Variants in CLSTN2 observed in about 807,000 individuals in gnomAD.
The protein encoded by CLSTN2 is calsyntenin-2.
Under a neutral mutation model 101.2 loss-of-function variants are expected in CLSTN2, and 48 were observed. The ratio of observed to expected loss-of-function variants is 0.47; its 90% CI spans 0.38 to 0.60. CLSTN2 has a LOEUF of 0.60. Ranked by LOEUF, CLSTN2 falls within the 20% of genes least tolerant of loss-of-function variation. CLSTN2 has a pLI of 0.00. For synonymous variants in CLSTN2, 481 were observed against 463.6 expected, an observed-to-expected ratio of 1.04 and a Z score of -0.48; for missense variants, 1,160 against 1,238.2, an observed-to-expected ratio of 0.94 and a Z score of 0.95.
intron 2 of CLSTN2, among the ~76,000 whole-genome samples, chr3:140,267,402 A>G (rs918534379): frequency 6.6e-6 from 1 of 152,192 alleles, no homozygotes; most frequent in African/African-American, 2.4e-5. Flanking sequence ...CTCAGTCCAC[A>G]AACTCCAATT....
At chr3:140,041,094 A>C (rs1263576316) in intron 1 of CLSTN2, among the ~76,000 whole-genome samples, 1 of 152,176 alleles carries the variant, frequency 6.6e-6, no homozygotes, top group Non-Finnish European at 1.5e-5. Context: ...GCAGTATATT[A>C]CCTCTTCCAT....
chr3:140,407,035 TGA>T (rs1017064672), intron 4 of CLSTN2, among the ~76,000 whole-genome samples: 10 of 152,164 alleles, frequency 6.6e-5, no homozygotes, highest in Non-Finnish European at 1.3e-4. Flanking sequence ...CAACCTAAGA[TGA>T]AGAGGAGAAT....
chr3:140,522,321 T>C (rs1183540227), intron 8 of CLSTN2, among the ~76,000 whole-genome samples: 1 of 151,894 alleles, frequency 6.6e-6, no homozygotes, highest in African/African-American at 2.4e-5. Context: ...CTGCTTTTAA[T>C]TGGCCATGTT....
rs781427250 is a variant in CLSTN2 at position 140,404,418 on chromosome 3, A to G, written c.429-140A>G. On this transcript the variant is annotated intron_variant, in intron 3 of 16. Transcript: ENST00000458420. The stretch of plus-strand genomic sequence containing the variant: ...TCTCCAGTGAGAGGGAGGATGGGAC[A>G]CTCAGACAACTGCCACAATTGGCTG... The G allele has an allele frequency of 4.5e-4, 322 of 709,222 alleles. 2 individuals are homozygous for G. Among genetic ancestry groups the G allele is most frequent in the Non-Finnish European group, 2.6e-4 (105 of 402,168 alleles). 43.9% of individuals were successfully genotyped at this position (709,222 alleles called of 1,614,324 possible).
At chr3:140,297,537 G>A (rs1039029691) in intron 2 of CLSTN2, among the ~76,000 whole-genome samples, 5 of 152,172 alleles carry the variant, frequency 3.3e-5, no homozygotes, top group Non-Finnish European at 7.3e-5. Flanking sequence ...CCAGGTAAAT[G>A]TTTTGGGCTT....
chr3:140,558,798 A>G lies in CLSTN2; in HGVS notation c.1982A>G (p.Asp661Gly), dbSNP rs766858911. ...ESARGVTLFP[D>G]IKIVSTFAKT... Reference sequence around the variant, plus strand: ...GCCAGGGGAGTGACCCTCTTCCCTGATATCAAGATTGTGAGCACCTTCGCC... The same window carrying G: ...GCCAGGGGAGTGACCCTCTTCCCTGGTATCAAGATTGTGAGCACCTTCGCC... The change falls in exon 12 of 17, where the codon GAT becomes GGT. Residue 661 changes from aspartate to glycine, a missense_variant. Physicochemically the swap from Asp to Gly is moderately conservative, Grantham distance 94. Coordinates refer to ENST00000458420, the MANE Select transcript of CLSTN2 (RefSeq NM_022131.3). 2 of 1,614,032 alleles carry G rather than the reference A, an allele frequency of 1.2e-6. No individual in the cohort carries two copies. Among genetic ancestry groups the G allele is most frequent in the East Asian group, 4.5e-5 (2 of 44,846 alleles).
At chr3:140,372,291 C>T (rs193052263) in intron 2 of CLSTN2, among the ~76,000 whole-genome samples, 12 of 152,284 alleles carry the variant, frequency 7.9e-5, no homozygotes, top group Admixed American at 7.8e-4. Flanking sequence ...AGTTACCCTT[C>T]TCTTTAATTG....
At chr3:140,416,821 A>G (rs1172426572) in intron 4 of CLSTN2, among the ~76,000 whole-genome samples, 4 of 152,244 alleles carry the variant, frequency 2.6e-5, no homozygotes, top group Non-Finnish European at 5.9e-5. Context: ...CAGATTTTCT[A>G]CTTTTCAAGC....
chr3:140,163,202 A>G (rs1257815651), intron 1 of CLSTN2, among the ~76,000 whole-genome samples: 2 of 152,206 alleles, frequency 1.3e-5, no homozygotes, highest in African/African-American at 4.8e-5. Flanking sequence ...GACTTTAAGT[A>G]AAGGACATTA....
At chr3:140,292,801 G>C (rs6765087) in intron 2 of CLSTN2, among the ~76,000 whole-genome samples, 7,398 of 152,294 alleles carry the variant, frequency 0.049, 412 homozygotes, top group African/African-American at 0.13. Context: ...GTGTGTGTCT[G>C]TGCTTTAAAA....
chr3:139,991,022 A>G (rs1936105128), intron 1 of CLSTN2, among the ~76,000 whole-genome samples: 1 of 152,270 alleles, frequency 6.6e-6, no homozygotes, highest in African/African-American at 2.4e-5. Context: ...AAATATTTAA[A>G]GTAAATAATA....
intron 2 of CLSTN2, among the ~76,000 whole-genome samples, chr3:140,326,905 A>G (rs2087336813): frequency 1.3e-5 from 2 of 152,222 alleles, no homozygotes. Context: ...TTTGGATGTG[A>G]AATATTTTAT....
At chr3:139,973,032 C>T (rs1473578241) in intron 1 of CLSTN2, among the ~76,000 whole-genome samples, 7 of 152,186 alleles carry the variant, frequency 4.6e-5, no homozygotes, top group Non-Finnish European at 1.0e-4. Context: ...GTTGGATAAT[C>T]AGGTTCTTGA....
At chr3:139,967,439 C>G (rs756296429) in intron 1 of CLSTN2, among the ~76,000 whole-genome samples, 12 of 152,198 alleles carry the variant, frequency 7.9e-5, no homozygotes, top group Non-Finnish European at 1.5e-4. Flanking sequence ...CTGCCAGCTG[C>G]ACCTCAGCAA....
intron 12 of CLSTN2, among the ~76,000 whole-genome samples, chr3:140,560,232 A>C (rs1265428387): frequency 5.9e-5 from 9 of 152,218 alleles, no homozygotes; most frequent in Non-Finnish European, 2.9e-5. Context: ...TATCTTAAAC[A>C]AGTAGGATAA....
rs115933221 is a variant in CLSTN2, at chr3:140,205,570, G to A, written c.232+29497G>A. ...AAAAAATTAGGAAAGCCACAGAGGAGGTAAGGAGGATTGAGGATTGGGTAC... is the reference window on the plus strand; with the variant it reads ...AAAAAATTAGGAAAGCCACAGAGGAAGTAAGGAGGATTGAGGATTGGGTAC... On this transcript the variant is annotated intron_variant, in intron 2 of 16. Transcript: ENST00000458420. 3.6e-3 allele frequency among the ~76,000 whole-genome samples: 530 copies of A among 148,730 alleles called. 4 individuals are homozygous for A. The highest frequency in any genetic ancestry group is 0.012 in the African/African-American group (507 of 40,784).
At chr3:140,010,918 A>G (rs1170612580) in intron 1 of CLSTN2, among the ~76,000 whole-genome samples, 4 of 152,236 alleles carry the variant, frequency 2.6e-5, no homozygotes, top group Non-Finnish European at 4.4e-5. Context: ...TAGATCTGGT[A>G]GTCCCTTTGT....
chr3:140,107,120 G>C (rs1373135858), intron 1 of CLSTN2, among the ~76,000 whole-genome samples: 2 of 152,160 alleles, frequency 1.3e-5, no homozygotes, highest in African/African-American at 2.4e-5. Flanking sequence ...ATGGACTAGA[G>C]GGCTCCCAAC....
chr3:140,148,753 G>T (rs995085649), intron 1 of CLSTN2, among the ~76,000 whole-genome samples: 1 of 152,140 alleles, frequency 6.6e-6, no homozygotes, highest in Non-Finnish European at 1.5e-5. Context: ...TTTTATTGTC[G>T]ATATGCCATT....
Sources: gnomAD v4.1 joint callset for allele counts (sites outside exome capture counted in the v4.1 genomes callset) on GRCh38, gnomAD v4.1.1 for gene constraint, MANE v1.5 for transcripts, NCBI Gene and HGNC (gene_info 2026-07-23, HGNC 2026-07-21) for gene names.